ATR: variants seen among roughly 807,000 people sequenced by gnomAD.
ATR encodes serine/threonine-protein kinase ATR.
A neutral mutation model predicts 305.3 loss-of-function variants in ATR; 142 were observed. That is an observed-to-expected ratio of 0.47 (90% CI 0.41 to 0.53). The LOEUF (loss-of-function observed/expected upper bound fraction) is 0.53. Among genes scored for constraint, ATR ranks in the 20% least tolerant of loss-of-function variants. The pLI, the probability that ATR is intolerant of heterozygous loss-of-function variation, is 0.00. For missense variants in ATR, 2,135 were observed against 3,133.1 expected, an observed-to-expected ratio of 0.68 and a Z score of 7.60; for synonymous variants, 1,050 against 1,068.1, an observed-to-expected ratio of 0.98 and a Z score of 0.33.
chr3:142,515,623 A>G, intron 24 of ATR, 108 bp from the exon 25 acceptor site: 3 of 1,214,894 alleles, frequency 2.5e-6, no homozygotes, highest in Admixed American at 4.1e-5. Context: ...CCTTGCCTTT[A>G]CTGCAATCTG....
chr3:142,528,470 T>C lies in ATR; in HGVS notation c.3946-4271A>G, dbSNP rs200077990. On this transcript the variant is annotated intron_variant, in intron 21 of 46. Transcript: ENST00000350721. ...ATCCATTTTGGTCATATTTAATGCT[T>C]TTCAGCTTCAGTTCTATTTTGTTTG... Among the ~76,000 whole-genome samples the C allele has an allele frequency of 2.6e-5, 4 of 152,154 alleles. No individual in the cohort carries two copies. In the East Asian group the frequency reaches 7.7e-4, roughly 29 times the overall value.
At chr3:142,489,806 T>C (rs2031170976) in intron 35 of ATR, among the ~76,000 whole-genome samples, 1 of 152,238 alleles carries the variant, frequency 6.6e-6, no homozygotes, top group Admixed American at 6.5e-5. Flanking sequence ...TTGTTTCTGT[T>C]GGATAAACAC....
intron 21 of ATR, among the ~76,000 whole-genome samples, chr3:142,531,961 G>A (rs2033668907): frequency 6.6e-6 from 1 of 152,230 alleles, no homozygotes; most frequent in African/African-American, 2.4e-5. Context: ...ACTGGTGTGA[G>A]ATGGTATCTC....
At chr3:142,496,648 C>A in intron 33 of ATR, 128 bp from the exon 34 acceptor site, 1 of 952,334 alleles carries the variant, frequency 1.1e-6, no homozygotes, top group Non-Finnish European at 1.6e-6. Flanking sequence ...AGCCTCTGTT[C>A]CCAATACAGA....
chr3:142,512,243 C>G lies in ATR; in HGVS notation c.4852+17G>C, dbSNP rs760207711. On this transcript the variant is annotated intron_variant, in intron 27 of 46. Transcript: ENST00000350721. ...GCTAAAAAAAAAAAAAAAAAAGAAA[C>G]AGAAGTGATAACTCACCCATTGAGT... 1 of 1,195,186 alleles carries G rather than the reference C, an allele frequency of 8.4e-7. No individual in the cohort carries two copies. The highest frequency in any genetic ancestry group is 1.7e-5 in the African/African-American group (1 of 57,956). The allele number at this position is 1,195,186 out of a possible 1,614,324, so 74.0% of individuals were successfully genotyped here.
chr3:142,452,303 C>T, intron 46 of ATR: 1 of 988,318 alleles, frequency 1.0e-6, no homozygotes, highest in Non-Finnish European at 1.2e-6. Flanking sequence ...TTTAGTAAGC[C>T]TGTACAAGAC....
At chr3:142,477,819 G>C (rs1294973336) in intron 36 of ATR, among the ~76,000 whole-genome samples, 1 of 152,108 alleles carries the variant, frequency 6.6e-6, no homozygotes, top group Non-Finnish European at 1.5e-5. Flanking sequence ...GTTTAGTCTT[G>C]GGAGGGTGTA....
At chr3:142,531,364 C>A (rs1212903926) in intron 21 of ATR, among the ~76,000 whole-genome samples, 3 of 152,076 alleles carry the variant, frequency 2.0e-5, no homozygotes, top group Non-Finnish European at 4.4e-5. Context: ...ATTAACTCGT[C>A]ATTTAACATT....
At chr3:142,561,533 T>C in intron 4 of ATR, 112 bp from the exon 5 acceptor site, 1 of 1,127,972 alleles carries the variant, frequency 8.9e-7, no homozygotes, top group Non-Finnish European at 1.3e-6. Flanking sequence ...AAACTACTTT[T>C]AGAGTCTCAT....
At chr3:142,508,521 G>A (rs2032372892) in intron 27 of ATR, among the ~76,000 whole-genome samples, 1 of 152,110 alleles carries the variant, frequency 6.6e-6, no homozygotes, top group Non-Finnish European at 1.5e-5. Context: ...CTATTTTGTA[G>A]GGAAACTTCA....
At chr3:142,466,072 A>G (rs183921485) in intron 40 of ATR, among the ~76,000 whole-genome samples, 50 of 152,164 alleles carry the variant, frequency 3.3e-4, no homozygotes, top group African/African-American at 1.2e-3. Flanking sequence ...GATTATAGTC[A>G]TACTAAAACA....
At position 142,461,949 on chromosome 3, in the gene ATR, T is replaced by C. The variant is rs771783747; in HGVS notation, c.7183A>G (p.Lys2395Glu). 1.9e-6 allele frequency: 3 copies of C among 1,613,512 alleles called. 1 individual carries two copies. The South Asian group carries it at 3.3e-5, about 18-fold the overall frequency. The change falls in exon 42 of 47, where the codon AAA (lysine) becomes GAA (glutamate). Residue 2395 changes from lysine to glutamate, a missense_variant. By Grantham distance (56) the Lys-to-Glu change is moderately conservative. Around this residue, in one of 9 missense-constraint regions of ATR, gnomAD observed 462 missense variants for 887.6 expected, o/e 0.52. Coordinates refer to ENST00000350721, the MANE Select transcript of ATR (RefSeq NM_001184.4). ...GLRPILTKLY[K>E]EKGVYMTGKE... The stretch of plus-strand genomic sequence containing the variant: ...GAATTAATTTTAGTACCCTTTTCTT[T>C]ATATAGTTTGGTCAGAATAGGTCTC...
chr3:142,450,306 T>C, intron 46 of ATR: 1 of 967,614 alleles, frequency 1.0e-6, no homozygotes, highest in Non-Finnish European at 1.6e-6. Context: ...CTTATTTCTT[T>C]GGTGAAGCAC....
intron 26 of ATR, 99 bp downstream of exon 26, chr3:142,513,402 G>T (rs1274734436): frequency 7.2e-7 from 1 of 1,394,744 alleles, no homozygotes; most frequent in Non-Finnish European, 1.0e-6. Context: ...CCATACATAG[G>T]TCTACATTTC....
At chr3:142,560,548 T>C in intron 5 of ATR, 94 bp from the exon 6 acceptor site, 1 of 1,257,692 alleles carries the variant, frequency 8.0e-7, no homozygotes, top group Non-Finnish European at 1.1e-6. Context: ...CTATGTAATA[T>C]CAACTATTCA....
intron 46 of ATR, chr3:142,450,264 C>T (rs1045537955): frequency 2.8e-6 from 2 of 725,002 alleles, no homozygotes; most frequent in African/African-American, 3.5e-5. Flanking sequence ...CAACAGCCAA[C>T]TTTCCCTTTT....
At chr3:142,466,625 T>C in intron 39 of ATR, 92 bp from the exon 40 acceptor site, 1 of 1,211,676 alleles carries the variant, frequency 8.3e-7, no homozygotes, top group East Asian at 2.5e-5. Context: ...ATTACAAAGG[T>C]TCAGCAGTCT....
intron 21 of ATR, among the ~76,000 whole-genome samples, chr3:142,534,656 C>T (rs1370385931): frequency 6.6e-6 from 1 of 151,944 alleles, no homozygotes; most frequent in African/African-American, 2.4e-5. Context: ...GTTCACTCAC[C>T]CCTTGAAAAA....
chr3:142,538,763 C>A, intron 18 of ATR, 138 bp from the exon 19 acceptor site: 1 of 1,133,208 alleles, frequency 8.8e-7, no homozygotes, highest in South Asian at 1.4e-5. Flanking sequence ...GAATAAAGAT[C>A]AGTGCTATAT....
Sources: gnomAD v4.1 joint callset for allele counts (sites outside exome capture counted in the v4.1 genomes callset) on GRCh38, gnomAD v4.1.1 for gene constraint, gnomAD v4.1.1 regional missense constraint, MANE v1.5 for transcripts, NCBI Gene and HGNC (gene_info 2026-07-23, HGNC 2026-07-21) for gene names.